HECW1: variants seen among roughly 807,000 people sequenced by gnomAD.
The protein encoded by HECW1 is HECT, C2 and WW domain containing E3 ubiquitin protein ligase 1, also known as E3 ubiquitin-protein ligase HECW1.
A neutral mutation model predicts 182.3 loss-of-function variants in HECW1; 61 were observed. The observed-to-expected ratio is 0.33, with a 90% CI of 0.27 to 0.41. The LOEUF is 0.41. Among genes scored for constraint, HECW1 ranks in the 10% least tolerant of loss-of-function variants. The probability of loss-of-function intolerance (pLI) is 1.00; values close to 1 mark genes in which losing one functional copy is unlikely to be tolerated. For missense variants in HECW1, 1,739 were observed against 2,108.9 expected (o/e 0.82, Z 3.44); for synonymous variants, 859 against 832.6 (o/e 1.03, Z -0.55).
At chr7:43,492,320 A>C in intron 18 of HECW1, 140 bp downstream of exon 18, 2 of 625,864 alleles carry the variant, frequency 3.2e-6, no homozygotes, top group South Asian at 4.2e-5. Context: ...TTTAGGATAT[A>C]GTGCACACCC....
intron 5 of HECW1, among the ~76,000 whole-genome samples, chr7:43,336,076 C>CCTTT (rs201336453): frequency 7.1e-6 from 1 of 140,090 alleles, no homozygotes; most frequent in Non-Finnish European, 1.5e-5. Context: ...TCTTCCCCTC[C>CCTTT]CTTTCTTTCT....
At chr7:43,188,346 A>T (rs1793602068) in intron 2 of HECW1, among the ~76,000 whole-genome samples, 1 of 152,190 alleles carries the variant, frequency 6.6e-6, no homozygotes, top group South Asian at 2.1e-4. Context: ...AACTGCTCCT[A>T]TGATTGGTGT....
intron 17 of HECW1, among the ~76,000 whole-genome samples, chr7:43,487,452 A>G (rs1170941480): frequency 2.0e-5 from 3 of 152,262 alleles, no homozygotes; most frequent in Non-Finnish European, 2.9e-5. Context: ...GTTTTACCCA[A>G]TTATGGAAGA....
intron 6 of HECW1, among the ~76,000 whole-genome samples, chr7:43,392,509 T>C (rs1267946135): frequency 2.0e-5 from 3 of 152,194 alleles, no homozygotes; most frequent in South Asian, 4.1e-4. Context: ...GGTTTCTTCA[T>C]ATTTGTTTTT....
intron 5 of HECW1, among the ~76,000 whole-genome samples, chr7:43,346,193 A>T (rs908942456): frequency 6.6e-6 from 1 of 152,120 alleles, no homozygotes; most frequent in Non-Finnish European, 1.5e-5. Context: ...CCATTCTTGC[A>T]GGAGTAAGGT....
At position 43,554,409 on chromosome 7, in the gene HECW1, T is replaced by C. The variant is rs368790828; in HGVS notation, c.4511-183T>C. Among the ~76,000 whole-genome samples the C allele has an allele frequency of 2.6e-5, 4 of 152,242 alleles. No individual in the cohort carries two copies. The South Asian group carries it at 6.2e-4, about 24-fold the overall frequency. On this transcript the variant is annotated intron_variant, in intron 28 of 29. Transcript: ENST00000395891. Reference sequence around the variant, plus strand: ...GACTATTTTCTAAATCTGCTCTTGTTCTAAAACTTGACCTGGTTGCACAAA... The same window carrying C: ...GACTATTTTCTAAATCTGCTCTTGTCCTAAAACTTGACCTGGTTGCACAAA...
intron 2 of HECW1, among the ~76,000 whole-genome samples, chr7:43,176,373 A>T (rs932275388): frequency 6.6e-6 from 1 of 152,212 alleles, no homozygotes; most frequent in Admixed American, 6.5e-5. Flanking sequence ...TTTCATTATG[A>T]ATCTGTGTCT....
intron 2 of HECW1, among the ~76,000 whole-genome samples, chr7:43,183,802 TGTGA>T (rs10591967): frequency 0.24 from 36,575 of 152,004 alleles, 4,569 homozygotes; most frequent in Middle Eastern, 0.26. Context: ...TCTTCTGGAA[TGTGA>T]GTAACTATTT....
intron 2 of HECW1, among the ~76,000 whole-genome samples, chr7:43,231,861 C>CAA (rs534989671): frequency 2.8e-5 from 4 of 144,296 alleles, no homozygotes; most frequent in African/African-American, 1.0e-4. Flanking sequence ...CTAAAAAATA[C>CAA]AAAAAAAAAA....
chr7:43,401,586 T>TTC lies in HECW1; in HGVS notation c.631+4697_631+4698insTC, dbSNP rs1491325136. On this transcript the variant is annotated intron_variant, in intron 7 of 29. Coordinates refer to ENST00000395891, the MANE Select transcript of HECW1 (RefSeq NM_015052.5). ...AAAAAGGTTTTTTTTTTTTTTTTTT[T>TTC]CCCCCAAATATAGCCACAGTAGACA... Among the ~76,000 whole-genome samples, 392 of 143,898 alleles carry TTC rather than the reference T, an allele frequency of 2.7e-3. 2 individuals carry two copies. Among genetic ancestry groups the TTC allele is most frequent in the African/African-American group, 9.9e-3 (380 of 38,578 alleles). 94.4% of individuals were successfully genotyped at this position (143,898 alleles called of 152,430 possible).
chr7:43,313,618 T>G (rs768379271), intron 4 of HECW1, among the ~76,000 whole-genome samples: 22 of 152,360 alleles, frequency 1.4e-4, no homozygotes, highest in Non-Finnish European at 2.8e-4. Flanking sequence ...ATTACAGGTG[T>G]GAGCCACTGC....
intron 5 of HECW1, among the ~76,000 whole-genome samples, chr7:43,357,754 T>C (rs1458288555): frequency 6.6e-6 from 1 of 151,938 alleles, no homozygotes; most frequent in Non-Finnish European, 1.5e-5. Flanking sequence ...ATGGCTACAA[T>C]AATTCAAATG....
intron 24 of HECW1, among the ~76,000 whole-genome samples, chr7:43,521,958 T>C (rs1490064169): frequency 6.6e-6 from 1 of 152,134 alleles, no homozygotes; most frequent in East Asian, 1.9e-4. Flanking sequence ...ATGGGATCAG[T>C]CCCCCTATAA....
rs1398026162 is a variant in HECW1 at position 43,407,678 on chromosome 7, G to C, written c.748G>C (p.Glu250Gln). The C allele has an allele frequency of 6.2e-7, 1 of 1,614,046 alleles. No individual in the cohort carries two copies. Residue 250 changes from glutamate (E) to glutamine (Q), a missense_variant, in exon 8 of 30, where the codon GAG (glutamate) becomes CAG (glutamine). Physicochemically the swap from Glu to Gln is conservative, Grantham distance 29. Coordinates refer to ENST00000395891, the MANE Select transcript of HECW1 (RefSeq NM_015052.5). ...IFPALPHHGQ[E>Q]RRSKIIGNTV... ...CCCCGCCCTCCCTCACCATGGACAG[G>C]AGAGGAGATCCAAGATCATAGGCAA... is the stretch of plus-strand genomic sequence containing the variant.
intron 2 of HECW1, chr7:43,118,157 G>A (rs1363618923): frequency 1.3e-5 from 2 of 152,376 alleles, no homozygotes; most frequent in Admixed American, 1.3e-4. Context: ...ATTTAGTGAA[G>A]CAGATTTTCC....
rs1331142808 is a variant in HECW1, at chr7:43,248,044, GGA to G, written c.27+4118_27+4119del. On this transcript the variant is annotated intron_variant, in intron 3 of 29. Coordinates refer to ENST00000395891, the MANE Select transcript of HECW1 (RefSeq NM_015052.5). ...AGAAAGCAAGCAAGAAGGGAGGGAGGGAGAGAGGAAGGAAGGAAGGGAGGGAG... is the reference window on the plus strand; with the variant it reads ...AGAAAGCAAGCAAGAAGGGAGGGAGGGAGAGGAAGGAAGGAAGGGAGGGAG... Among the ~76,000 whole-genome samples the G allele has an allele frequency of 7.8e-4, 113 of 145,522 alleles. 1 individual carries two copies. The highest frequency in any genetic ancestry group is 2.8e-3 in the African/African-American group (110 of 39,576).
chr7:43,453,931 A>T (rs1276959639), intron 12 of HECW1, among the ~76,000 whole-genome samples: 1 of 152,198 alleles, frequency 6.6e-6, no homozygotes, highest in African/African-American at 2.4e-5. Context: ...GCAACCCAGA[A>T]AACATGTTCA....
At chr7:43,146,409 G>A (rs1348488429) in intron 2 of HECW1, among the ~76,000 whole-genome samples, 1 of 152,030 alleles carries the variant, frequency 6.6e-6, no homozygotes, top group Non-Finnish European at 1.5e-5. Flanking sequence ...CCTCTGGTTG[G>A]GAACCACTAG....
rs150144065 is a variant in HECW1, at chr7:43,419,739, G to A, written c.801+12008G>A. On this transcript the variant is annotated intron_variant, in intron 8 of 29. Transcript: ENST00000395891. ...TTAGAAATGCTTGTTTCCCAATGCC[G>A]TAAAGAAATAGCATTTGAATATAAA... Among the ~76,000 whole-genome samples the A allele has an allele frequency of 3.2e-3, 492 of 152,266 alleles. 15 individuals are homozygous for A. The highest frequency in any genetic ancestry group is 0.023 in the East Asian group (119 of 5,184).
Sources: allele counts gnomAD v4.1 joint callset (sites outside exome capture counted in the v4.1 genomes callset), GRCh38; gene constraint gnomAD v4.1.1; transcripts MANE v1.5; gene names NCBI Gene and HGNC (gene_info 2026-07-23, HGNC 2026-07-21).